The following CTNNA3 variants were observed in gnomAD, a reference collection of about 807,000 sequenced individuals.
CTNNA3 encodes the protein catenin alpha 3, also known as catenin alpha-3.
Under a neutral mutation model 95.7 loss-of-function variants are expected in CTNNA3, and 76 were observed. That is an observed-to-expected ratio of 0.79 (90% CI 0.66 to 0.96). The LOEUF is 0.96. CTNNA3 is among the 40% of genes least tolerant of loss of function. The pLI is 0.00. For synonymous variants in CTNNA3, 431 were observed against 374.4 expected (o/e 1.15, Z -1.74); for missense variants, 1,191 against 1,089.8 (o/e 1.09, Z -1.31).
At chr10:67,482,696 A>G (rs1848281042) in intron 5 of CTNNA3, among the ~76,000 whole-genome samples, 1 of 152,306 alleles carries the variant, frequency 6.6e-6, no homozygotes, top group South Asian at 2.1e-4. Context: ...ATCTGCAAAC[A>G]GGGACAATTT....
chr10:67,513,475 C>G (rs1330736932), intron 5 of CTNNA3, among the ~76,000 whole-genome samples: 2 of 152,088 alleles, frequency 1.3e-5, no homozygotes, highest in Non-Finnish European at 2.9e-5. Flanking sequence ...AAGACTGCAC[C>G]CACATCTTTT....
intron 12 of CTNNA3, among the ~76,000 whole-genome samples, chr10:66,342,106 T>C (rs1401852662): frequency 1.3e-5 from 2 of 152,032 alleles, no homozygotes; most frequent in South Asian, 2.1e-4. Flanking sequence ...TTTCTAATTC[T>C]TAGTTGCATG....
At chr10:66,505,381 A>G (rs1232507442) in intron 11 of CTNNA3, among the ~76,000 whole-genome samples, 1 of 152,200 alleles carries the variant, frequency 6.6e-6, no homozygotes, top group African/African-American at 2.4e-5. Context: ...ACCATGACCT[A>G]CATAAAGCCA....
intron 3 of CTNNA3, among the ~76,000 whole-genome samples, chr10:67,550,377 C>A (rs1280183973): frequency 6.6e-6 from 1 of 152,142 alleles, no homozygotes. Context: ...AAAAACTATA[C>A]TGCAGGAGTC....
chr10:66,346,076 CAAAA>C (rs746349432), intron 12 of CTNNA3, among the ~76,000 whole-genome samples: 5 of 70,420 alleles, frequency 7.1e-5, no homozygotes, highest in Admixed American at 1.8e-4. Flanking sequence ...GACTCCATCT[CAAAA>C]AAAAAAAAAA....
intron 3 of CTNNA3, among the ~76,000 whole-genome samples, chr10:67,576,675 G>T (rs952138635): frequency 7.1e-6 from 1 of 140,730 alleles, no homozygotes; most frequent in Admixed American, 7.0e-5. Flanking sequence ...TTTAGCATTA[G>T]GTATATCTCC....
intron 11 of CTNNA3, among the ~76,000 whole-genome samples, chr10:66,491,980 A>G (rs546561749): frequency 2.4e-4 from 37 of 152,078 alleles, no homozygotes; most frequent in African/African-American, 8.9e-4. Flanking sequence ...ATGTTTCCTA[A>G]TCAATCCACC....
intron 3 of CTNNA3, among the ~76,000 whole-genome samples, chr10:67,556,161 T>A (rs1841241149): frequency 6.6e-6 from 1 of 152,210 alleles, no homozygotes; most frequent in Non-Finnish European, 1.5e-5. Context: ...TTTGCCAATA[T>A]TTTATTGAGG....
chr10:67,626,538 C>T (rs759318567), intron 2 of CTNNA3, among the ~76,000 whole-genome samples: 5 of 152,162 alleles, frequency 3.3e-5, no homozygotes, highest in East Asian at 1.9e-4. Flanking sequence ...CCTTTCTCTA[C>T]GTCTGATACA....
intron 7 of CTNNA3, among the ~76,000 whole-genome samples, chr10:67,055,698 T>C (rs1855384162): frequency 6.6e-6 from 1 of 152,104 alleles, no homozygotes; most frequent in Non-Finnish European, 1.5e-5. Flanking sequence ...TCCTGGTATT[T>C]TTGTGGGAGT....
intron 13 of CTNNA3, among the ~76,000 whole-genome samples, chr10:66,109,442 C>A (rs1175459628): frequency 6.6e-6 from 1 of 152,088 alleles, no homozygotes; most frequent in Non-Finnish European, 1.5e-5. Context: ...ACATTTGGAC[C>A]CTCTCAAGTC....
intron 17 of CTNNA3, among the ~76,000 whole-genome samples, chr10:65,927,407 A>C: frequency 6.6e-6 from 1 of 152,198 alleles, no homozygotes; most frequent in East Asian, 1.9e-4. Context: ...TTGTTACATC[A>C]GTGTTCTATT....
rs11369576 is a variant in CTNNA3, at chr10:67,005,682, C to CTTTTTTTTTTTT, written c.1047+174623_1047+174634dup. Among the ~76,000 whole-genome samples the CTTTTTTTTTTTT allele has an allele frequency of 6.7e-3, 413 of 61,932 alleles. 94 individuals are homozygous for CTTTTTTTTTTTT. The highest frequency in any genetic ancestry group is 0.017 in the Middle Eastern group (1 of 60). The allele number at this position is 61,932 out of a possible 152,430, so 40.6% of individuals were successfully genotyped here. A position where few individuals can be genotyped will look rare whatever the true frequency, so the allele number is the denominator to read the frequency against. Reference sequence around the variant, plus strand: ...AATGCTTTTGTTTATTTTACTCCATCTTTTTTTTTTTTTTTTTTTTTGAGA... The same window carrying CTTTTTTTTTTTT: ...AATGCTTTTGTTTATTTTACTCCATCTTTTTTTTTTTTTTTTTTTTTTTTTTTTTTTTTGAGA... On this transcript the variant is annotated intron_variant, in intron 7 of 17. Transcript: ENST00000433211.
chr10:66,545,945 A>T (rs1323407608), intron 10 of CTNNA3, among the ~76,000 whole-genome samples: 2 of 149,730 alleles, frequency 1.3e-5, no homozygotes, highest in Non-Finnish European at 3.0e-5. Context: ...ATGTATGTAC[A>T]TTATATATTA....
chr10:66,925,336 A>G (rs1847008353), intron 7 of CTNNA3, among the ~76,000 whole-genome samples: 1 of 152,202 alleles, frequency 6.6e-6, no homozygotes, highest in South Asian at 2.1e-4. Flanking sequence ...CATAAATATT[A>G]TTAGTGTAAT....
intron 14 of CTNNA3, among the ~76,000 whole-genome samples, chr10:66,075,281 A>C (rs10996877): frequency 0.24 from 35,738 of 151,770 alleles, 4,246 homozygotes; most frequent in Admixed American, 0.26. Context: ...AGAAAGGAAA[A>C]AAGTGACATA....
At chr10:66,382,737 G>A (rs9414923) in intron 11 of CTNNA3, among the ~76,000 whole-genome samples, 72,639 of 151,954 alleles carry the variant, frequency 0.48, 17,791 homozygotes, top group African/African-American at 0.58. Flanking sequence ...AGCTTCCAGA[G>A]GAAGGATCAG....
Position 65,914,159 on chromosome 10 carries a change from T to C in CTNNA3, c.*6171A>G, listed in dbSNP as rs2076979444. The C allele has an allele frequency of 6.6e-6, 1 of 152,156 alleles. No individual in the cohort carries two copies. The highest frequency in any genetic ancestry group is 6.6e-5 in the Admixed American group (1 of 15,252). 9.4% of individuals were successfully genotyped at this position (152,156 alleles called of 1,614,324 possible). A position where few individuals can be genotyped will look rare whatever the true frequency, so the allele number is the denominator to read the frequency against. On this transcript the variant is annotated 3_prime_UTR_variant, in exon 18 of 18. Coordinates refer to ENST00000433211, the MANE Select transcript of CTNNA3 (RefSeq NM_013266.4). ...AGTAGCTTTTGTACATGTTCTAAAT[T>C]GAAGAAACATTTAGACATAATTGTT...
intron 1 of CTNNA3, among the ~76,000 whole-genome samples, chr10:67,676,561 G>A (rs1266887179): frequency 1.3e-5 from 2 of 152,070 alleles, no homozygotes; most frequent in African/African-American, 2.4e-5. Context: ...AAAACTCTGG[G>A]GGCATCTTCA....
Sources: gnomAD v4.1 joint callset for allele counts (sites outside exome capture counted in the v4.1 genomes callset) on GRCh38, gnomAD v4.1.1 for gene constraint, MANE v1.5 for transcripts, NCBI Gene and HGNC (gene_info 2026-07-23, HGNC 2026-07-21) for gene names.